SPPL2B: variants seen among roughly 807,000 people sequenced by gnomAD.
SPPL2B encodes the protein signal peptide peptidase like 2B, also known as signal peptide peptidase-like 2B.
A neutral mutation model predicts 59.7 loss-of-function variants in SPPL2B; 39 were observed. That is an observed-to-expected ratio of 0.65 (90% CI 0.51 to 0.85). SPPL2B has a LOEUF of 0.85. Among genes scored for constraint, SPPL2B ranks in the 40% least tolerant of loss-of-function variants. SPPL2B has a pLI of 0.00. For synonymous variants in SPPL2B, 419 were observed against 370.8 expected, an observed-to-expected ratio of 1.13 and a Z score of -1.49; for missense variants, 865 against 849.0, an observed-to-expected ratio of 1.02 and a Z score of -0.23.
intron 14 of SPPL2B, 38 bp downstream of exon 14, chr19:2,351,632 C>G: frequency 6.3e-7 from 1 of 1,578,052 alleles, no homozygotes; most frequent in South Asian, 1.1e-5. Flanking sequence ...GAAATACTCG[C>G]CTAGTGAGCC....
chr19:2,337,566 G>A lies in SPPL2B; in HGVS notation c.310G>A (p.Val104Met). 6.2e-7 allele frequency: 1 copy of A among 1,611,408 alleles called. No individual in the cohort carries two copies. Among genetic ancestry groups the A allele is most frequent in the Non-Finnish European group, 8.5e-7 (1 of 1,179,280 alleles). ...ARGNCTFYEK[V>M]RLAQGSGARG... ...GGGGAACTGCACCTTCTATGAGAAAGTGAGGCTGGCCCAGGGCAGCGGAGC... is the reference window on the plus strand; with the variant it reads ...GGGGAACTGCACCTTCTATGAGAAAATGAGGCTGGCCCAGGGCAGCGGAGC... The change falls in exon 3 of 15, where the codon GTG becomes ATG. Residue 104 changes from valine (V) to methionine (M), a missense_variant. Coordinates refer to ENST00000613503, the MANE Select transcript of SPPL2B (RefSeq NM_152988.3).
At chr19:2,342,017 C>T (rs1195984460) in intron 8 of SPPL2B, 1 of 176,056 alleles carries the variant, frequency 5.7e-6, no homozygotes, top group South Asian at 1.2e-4. Context: ...GCTGTACCAG[C>T]GTCTCCCATG....
chr19:2,337,156 C>G (rs1354948874), intron 2 of SPPL2B: 1 of 332,180 alleles, frequency 3.0e-6, no homozygotes, highest in Non-Finnish European at 5.5e-6. Flanking sequence ...CCCACTTGGT[C>G]TTGCTGAGTG....
intron 1 of SPPL2B, among the ~76,000 whole-genome samples, chr19:2,333,877 T>C (rs1411191484): frequency 6.6e-6 from 1 of 152,218 alleles, no homozygotes; most frequent in African/African-American, 2.4e-5. Context: ...CTCTGCTGCT[T>C]TGGGGCTTCA....
At chr19:2,336,509 CGT>C (rs1051899731) in intron 2 of SPPL2B, among the ~76,000 whole-genome samples, 8 of 151,026 alleles carry the variant, frequency 5.3e-5, no homozygotes, top group Non-Finnish European at 1.2e-4. Flanking sequence ...TAGGTATGTG[CGT>C]GTGAGTGTGT....
rs768777638 is a variant in SPPL2B at position 2,352,942 on chromosome 19, G to A, written c.1516-4G>A. 1.2e-5 allele frequency: 20 copies of A among 1,611,994 alleles called. No individual in the cohort carries two copies. In the South Asian group the frequency reaches 1.9e-4, roughly 15 times the overall value. On this transcript the variant is annotated splice_polypyrimidine_tract_variant and splice_region_variant and intron_variant, in intron 14 of 14. Coordinates refer to ENST00000613503, the MANE Select transcript of SPPL2B (RefSeq NM_152988.3). Reference sequence around the variant, plus strand: ...GCCTCACCTCTGCCTCCCTTCTCCTGTAGAAAGTCCTACCTCCATCTCCGT... The same window carrying A: ...GCCTCACCTCTGCCTCCCTTCTCCTATAGAAAGTCCTACCTCCATCTCCGT...
At chr19:2,336,005 T>G (rs1181055569) in intron 2 of SPPL2B, among the ~76,000 whole-genome samples, 1 of 152,256 alleles carries the variant, frequency 6.6e-6, no homozygotes, top group East Asian at 1.9e-4. Flanking sequence ...ACACATGTAA[T>G]AGGTATGTGA....
chr19:2,340,497 G>T (rs1968964910), intron 7 of SPPL2B: 2 of 607,392 alleles, frequency 3.3e-6, no homozygotes, highest in African/African-American at 1.9e-5. Flanking sequence ...CCAGAGCTTG[G>T]CCTGGCTCTT....
In SPPL2B at chr19:2,353,346, G is replaced by A. The variant is rs1970036932; in HGVS notation, c.*137G>A. ...CCGTCCCCACCCGCCCCAACATGGT[G>A]CTCATCCTTGCCGAGACCCCTGCGG... On this transcript the variant is annotated 3_prime_UTR_variant, in exon 15 of 15. Coordinates refer to ENST00000613503, the MANE Select transcript of SPPL2B (RefSeq NM_152988.3). 8.9e-7 allele frequency: 1 copy of A among 1,124,208 alleles called. No homozygotes were observed. Among genetic ancestry groups the A allele is most frequent in the South Asian group, 1.6e-5 (1 of 61,222 alleles). 69.6% of individuals were successfully genotyped at this position (1,124,208 alleles called of 1,614,324 possible). A position where few individuals can be genotyped will look rare whatever the true frequency, so the allele number is the denominator to read the frequency against.
chr19:2,343,523 A>G (rs939770879), intron 9 of SPPL2B, among the ~76,000 whole-genome samples: 1 of 152,118 alleles, frequency 6.6e-6, no homozygotes, highest in Admixed American at 6.5e-5. Flanking sequence ...GGGGCAACTC[A>G]TGTCTAGATG....
chr19:2,343,882 G>A, intron 9 of SPPL2B, 83 bp from the exon 10 acceptor site: 2 of 1,068,454 alleles, frequency 1.9e-6, no homozygotes, highest in Non-Finnish European at 2.8e-6. Flanking sequence ...CTGCCTCCCA[G>A]GAGGAGGCGC....
At chr19:2,349,754 T>C (rs28794827) in intron 13 of SPPL2B, among the ~76,000 whole-genome samples, 86,303 of 116,898 alleles carry the variant, frequency 0.74, 31,498 homozygotes, top group African/African-American at 0.77. Flanking sequence ...TCCACACACA[T>C]GCGCTCTCAT....
Position 2,343,973 on chromosome 19 carries a change from G to A in SPPL2B, c.1047G>A (p.Thr349=), listed in dbSNP as rs963965406. 3.3e-5 allele frequency: 51 copies of A among 1,545,030 alleles called. No individual in the cohort carries two copies. The highest frequency in any genetic ancestry group is 4.2e-5 in the Non-Finnish European group (48 of 1,144,090). ...AGCCGTGGGCTTCGCAGGCCTGCACGCTGCTGCTGCTGGTGCTGTTCCTCT... is the reference window on the plus strand; with the variant it reads ...AGCCGTGGGCTTCGCAGGCCTGCACACTGCTGCTGCTGGTGCTGTTCCTCT... ...TIRLPTFKAC[T]LLLLVLFLYD... The change falls in exon 10 of 15, where the codon ACG becomes ACA. Residue 349 remains threonine, a synonymous_variant. Transcript: ENST00000613503.
intron 13 of SPPL2B, among the ~76,000 whole-genome samples, chr19:2,349,733 C>T (rs1167742974): frequency 7.5e-5 from 10 of 132,926 alleles, no homozygotes; most frequent in Non-Finnish European, 1.6e-4. Context: ...CGCTTGATTC[C>T]GTTCTCTCTC....
intron 13 of SPPL2B, among the ~76,000 whole-genome samples, chr19:2,350,594 T>G (rs932537388): frequency 6.6e-6 from 1 of 152,366 alleles, no homozygotes; most frequent in Admixed American, 6.5e-5. Flanking sequence ...TTTCACTAGC[T>G]GTAGGTTGAA....
Position 2,339,791 on chromosome 19 carries a change from C to A in SPPL2B, c.600-33C>A, listed in dbSNP as rs949688154. ...CGAGCCCCGTGTCGGCCAGCCGGCC[C>A]CAGGGCCCCACGACCCCATGGTGTC... On this transcript the variant is annotated intron_variant, in intron 5 of 14. Coordinates refer to ENST00000613503, the MANE Select transcript of SPPL2B (RefSeq NM_152988.3). The A allele has an allele frequency of 2.5e-6, 4 of 1,594,412 alleles. No homozygotes were observed. In the Admixed American group the frequency reaches 7.0e-5, roughly 28 times the overall value.
At position 2,340,982 on chromosome 19, in the gene SPPL2B, C is replaced by T. The variant is rs1248453478; in HGVS notation, c.924C>T (p.Ser308=). 3.7e-6 allele frequency: 6 copies of T among 1,604,726 alleles called. No homozygotes were observed. The highest frequency in any genetic ancestry group is 1.3e-5 in the African/African-American group (1 of 74,902). ...TGGCGCTCTTCTGCGTGGCCGTCAG[C>T]GTGGTGTGGGGCGTCTTCCGCAACG... The part of the protein sequence containing the change: ...LLLALFCVAV[S]VVWGVFRNED... The change falls in exon 8 of 15, where the codon AGC becomes AGT. Residue 308 remains serine (S), a synonymous_variant. Transcript: ENST00000613503.
intron 2 of SPPL2B, among the ~76,000 whole-genome samples, chr19:2,335,702 C>G (rs1227327897): frequency 8.0e-6 from 1 of 125,532 alleles, no homozygotes; most frequent in African/African-American, 3.0e-5. Context: ...CTCAGGCCCT[C>G]TCTCCTTTCC....
rs1020757715 is a variant in SPPL2B, at chr19:2,332,705, C to T, written c.67-1897C>T. 3.9e-5 allele frequency among the ~76,000 whole-genome samples: 6 copies of T among 152,134 alleles called. No individual in the cohort carries two copies. The highest frequency in any genetic ancestry group is 2.6e-4 in the Admixed American group (4 of 15,278). On this transcript the variant is annotated intron_variant, in intron 1 of 14. Transcript: ENST00000613503. The surrounding 1 kb of genome is among the most constrained non-coding windows in gnomAD (Gnocchi z 4.6). The stretch of plus-strand genomic sequence containing the variant: ...CAGGCCTAGGGCATGGGGTGGGTCT[C>T]CTTGGTCCCTGGCACGTGGTTTTTC...
Sources: allele counts gnomAD v4.1 joint callset (sites outside exome capture counted in the v4.1 genomes callset), GRCh38; gene constraint gnomAD v4.1.1; non-coding constraint Gnocchi (gnomAD v3.1); transcripts MANE v1.5; gene names NCBI Gene and HGNC (gene_info 2026-07-23, HGNC 2026-07-21).